ATM: variants seen among roughly 807,000 people sequenced by gnomAD.
The protein encoded by ATM is serine-protein kinase ATM.
In ATM, 308 loss-of-function variants were observed where a neutral mutation model predicts 387.0. The observed-to-expected ratio is 0.80, with a 90% CI of 0.73 to 0.87. The LOEUF is 0.87. Ranked by LOEUF, ATM falls within the 40% of genes least tolerant of loss-of-function variation. ATM has a pLI of 0.00. For missense variants in ATM, 3,312 were observed against 3,560.9 expected, an observed-to-expected ratio of 0.93 and a Z score of 1.78; for synonymous variants, 1,156 against 1,187.3, an observed-to-expected ratio of 0.97 and a Z score of 0.54.
At chr11:108,330,109 G>C in intron 49 of ATM, 105 bp from the exon 50 acceptor site, 1 of 1,329,182 alleles carries the variant, frequency 7.5e-7, no homozygotes, top group Non-Finnish European at 1.0e-6. Context: ...TTTTCCCTGG[G>C]ATAAAAACCC....
Position 108,309,237 on chromosome 11 carries a change from C to T in ATM, c.5763-923C>T, listed in dbSNP as rs980966423. ...AAAAAATTGCTTGCTGTCTTTGAAC[C>T]TCAGTCTTATCATCTTTCAAAATCA... On this transcript the variant is annotated intron_variant, in intron 38 of 62. Transcript: ENST00000675843. Among the ~76,000 whole-genome samples the T allele has an allele frequency of 4.6e-5, 7 of 152,272 alleles. No homozygotes were observed. The East Asian group carries it at 1.2e-3, about 25-fold the overall frequency.
At chr11:108,344,523 G>T (rs1565560867) in intron 57 of ATM, among the ~76,000 whole-genome samples, 1 of 152,154 alleles carries the variant, frequency 6.6e-6, no homozygotes, top group Non-Finnish European at 1.5e-5. Context: ...GACCCTAAAG[G>T]ATAGTAATAT....
At chr11:108,323,974 T>C (rs1464660955) in intron 45 of ATM, among the ~76,000 whole-genome samples, 3 of 152,222 alleles carry the variant, frequency 2.0e-5, no homozygotes, top group African/African-American at 7.2e-5. Flanking sequence ...AGTTTTGTTT[T>C]GTTTTGGGAA....
chr11:108,266,532 G>T (rs1303348210), intron 16 of ATM, among the ~76,000 whole-genome samples: 2 of 150,454 alleles, frequency 1.3e-5, no homozygotes, highest in African/African-American at 2.4e-5. Flanking sequence ...TATACCTAAT[G>T]CTAGATGACG....
intron 29 of ATM, 135 bp from the exon 30 acceptor site, chr11:108,292,484 T>C (rs2082848555): frequency 1.9e-6 from 2 of 1,070,902 alleles, no homozygotes; most frequent in Non-Finnish European, 1.4e-6. Context: ...TTTTGGCTTA[T>C]AAGCCATTAA....
rs1392583511 is a variant in ATM at position 108,368,459 on chromosome 11, T to C, written c.*2951T>C. The C allele has an allele frequency of 9.4e-6, 2 of 213,334 alleles. No individual in the cohort carries two copies. Among genetic ancestry groups the C allele is most frequent in the African/African-American group, 4.5e-5 (2 of 44,264 alleles). The allele number at this position is 213,334 out of a possible 1,614,324, so 13.2% of individuals were successfully genotyped here. A position where few individuals can be genotyped will look rare whatever the true frequency, so the allele number is the denominator to read the frequency against. On this transcript the variant is annotated 3_prime_UTR_variant, in exon 63 of 63. Transcript: ENST00000675843. ...TATTATGTACAGCATTTCTGATCTT[T>C]ACTTTGCAAGATTAGTGATACTATC...
chr11:108,317,732 AT>A (rs1430719360), intron 43 of ATM, among the ~76,000 whole-genome samples: 5 of 148,902 alleles, frequency 3.4e-5, no homozygotes, highest in African/African-American at 7.4e-5. Context: ...ATATAAAAAA[AT>A]ATATAGTAGA....
rs2083446824 is a variant in ATM at position 108,301,789 on chromosome 11, G to T, written c.5319G>T (p.Lys1773Asn). The T allele has an allele frequency of 6.2e-7, 1 of 1,612,950 alleles. No homozygotes were observed. Among genetic ancestry groups the T allele is most frequent in the African/African-American group, 1.3e-5 (1 of 74,828 alleles). ...AGCCTTTTAGAACATCAAGAAAAAA[G>T]GTCTCTTAAGTAATAAATGTTTATT... Reference protein sequence around the residue: ...YLQPFRTSRKKFLEVPRFDKE... With the variant: ...YLQPFRTSRKNFLEVPRFDKE... The change falls in exon 35 of 63, where the codon AAG (lysine) becomes AAT (asparagine). Residue 1773 changes from lysine to asparagine, a missense_variant and splice_region_variant. Transcript: ENST00000675843.
At position 108,251,989 on chromosome 11, in the gene ATM, G is replaced by A. The variant is rs1060501553; in HGVS notation, c.1760G>A (p.Gly587Asp). 6.2e-7 allele frequency: 1 copy of A among 1,613,390 alleles called. No homozygotes were observed. The highest frequency in any genetic ancestry group is 1.7e-5 in the Admixed American group (1 of 59,994). Residue 587 changes from glycine (G) to aspartate (D), a missense_variant, in exon 11 of 63, where the codon GGT becomes GAT. Gly to Asp is a moderately conservative substitution (Grantham distance 94). Around this residue, in one of 4 missense-constraint regions of ATM, gnomAD observed 1,791 missense variants for 1,804.5 expected, o/e 0.99. Coordinates refer to ENST00000675843, the MANE Select transcript of ATM (RefSeq NM_000051.4). ...TGGCTCTTATTCTATCAGTTAGAGGGTGACTTAGAAAATAGCACAGAAGTG... is the reference window on the plus strand; with the variant it reads ...TGGCTCTTATTCTATCAGTTAGAGGATGACTTAGAAAATAGCACAGAAGTG... ...MKWLLFYQLEGDLENSTEVPP... is the reference protein window; with the variant it reads ...MKWLLFYQLEDDLENSTEVPP...
At chr11:108,317,658 C>CATATAT (rs2084853769) in intron 43 of ATM, 137 bp downstream of exon 43, 1 of 188,766 alleles carries the variant, frequency 5.3e-6, no homozygotes, top group Non-Finnish European at 9.0e-6. Flanking sequence ...TATATACACA[C>CATATAT]ACACACACAC....
rs1565503340 is a variant in ATM, at chr11:108,317,478, G to T, written c.6304G>T (p.Ala2102Ser). 6.2e-7 allele frequency: 1 copy of T among 1,611,580 alleles called. No homozygotes were observed. The highest frequency in any genetic ancestry group is 8.5e-7 in the Non-Finnish European group (1 of 1,179,266). ...TGAACTAGAAGAACTTCATTACCAAGCAGCATGGAGGAATATGCAGTGGGA... is the reference window on the plus strand; with the variant it reads ...TGAACTAGAAGAACTTCATTACCAATCAGCATGGAGGAATATGCAGTGGGA... ...CPELEELHYQ[A>S]AWRNMQWDHC... The change falls in exon 43 of 63, where the codon GCA becomes TCA. Residue 2102 changes from alanine (A) to serine (S), a missense_variant. Coordinates refer to ENST00000675843, the MANE Select transcript of ATM (RefSeq NM_000051.4).
intron 7 of ATM, among the ~76,000 whole-genome samples, chr11:108,245,340 G>A (rs2079793681): frequency 1.3e-5 from 2 of 152,200 alleles, no homozygotes; most frequent in African/African-American, 4.8e-5. Context: ...GACACAGACT[G>A]TAGGGCAAAA....
chr11:108,354,967 C>T, intron 61 of ATM, 93 bp downstream of exon 61: 1 of 1,052,118 alleles, frequency 9.5e-7, no homozygotes. Context: ...AGCACTGCTT[C>T]ATTTTAACAT....
At chr11:108,245,659 T>G (rs1453220050) in intron 7 of ATM, among the ~76,000 whole-genome samples, 1 of 152,074 alleles carries the variant, frequency 6.6e-6, no homozygotes, top group East Asian at 1.9e-4. Context: ...AGTTAGGAAC[T>G]TTATTGGCTG....
intron 7 of ATM, 55 bp from the exon 8 acceptor site, chr11:108,246,909 G>C: frequency 7.1e-7 from 1 of 1,415,898 alleles, no homozygotes; most frequent in Non-Finnish European, 9.9e-7. Flanking sequence ...GTGGGAGCTA[G>C]CAGTGTAAAC....
At chr11:108,353,273 C>T (rs567594979) in intron 59 of ATM, among the ~76,000 whole-genome samples, 12 of 152,076 alleles carry the variant, frequency 7.9e-5, no homozygotes, top group African/African-American at 1.7e-4. Context: ...CTCAGCCTCC[C>T]GAGTAACTGG....
At position 108,227,832 on chromosome 11, in the gene ATM, A is replaced by G. The variant is rs780616292; in HGVS notation, c.129A>G (p.Leu43=). 6.8e-6 allele frequency: 11 copies of G among 1,613,582 alleles called. No individual in the cohort carries two copies. ...LIRDPETIKH[L]DRHSDSKQGK... is the part of the protein sequence containing the mutation. ...GAGATCCTGAAACAATTAAACATCT[A>G]GATCGGCATTCAGATTCCAAACAAG... The change falls in exon 3 of 63, where the codon CTA becomes CTG. Residue 43 remains leucine (L), a synonymous_variant. Coordinates refer to ENST00000675843, the MANE Select transcript of ATM (RefSeq NM_000051.4).
intron 42 of ATM, 142 bp downstream of exon 42, chr11:108,316,255 C>A: frequency 1.1e-6 from 1 of 899,368 alleles, no homozygotes; most frequent in Non-Finnish European, 1.8e-6. Context: ...TTAGGCTAAA[C>A]ATTCAGGGAT....
Position 108,327,649 on chromosome 11 carries a change from A to G in ATM, c.6980A>G (p.Asn2327Ser), listed in dbSNP as rs761587154. Residue 2327 changes from asparagine (N) to serine (S), a missense_variant, in exon 48 of 63, where the codon AAT becomes AGT. This residue lies in a region of ATM where 1,405 missense variants were observed against 1,604.4 expected (regional missense o/e 0.88). Transcript: ENST00000675843. The stretch of plus-strand genomic sequence containing the variant: ...GATTTTGCCTTTCTTATACAGAACA[A>G]TCCCAGCCTAAAACTTACATACACA... ...KKLDASCAAN[N>S]PSLKLTYTEC... 1 of 1,613,602 alleles carries G rather than the reference A, an allele frequency of 6.2e-7. No individual in the cohort carries two copies. Among genetic ancestry groups the G allele is most frequent in the Non-Finnish European group, 8.5e-7 (1 of 1,179,626 alleles).
Sources: gnomAD v4.1 joint callset for allele counts (sites outside exome capture counted in the v4.1 genomes callset) on GRCh38, gnomAD v4.1.1 for gene constraint, gnomAD v4.1.1 regional missense constraint, MANE v1.5 for transcripts, NCBI Gene and HGNC (gene_info 2026-07-23, HGNC 2026-07-21) for gene names.